NALF1: variants seen among roughly 807,000 people sequenced by gnomAD.
The protein encoded by NALF1 is family with sequence similarity 155 member A.
A neutral mutation model predicts 48.4 loss-of-function variants in NALF1; 3 were observed. The observed-to-expected ratio is 0.06, with a 90% CI of 0.03 to 0.16. The LOEUF (loss-of-function observed/expected upper bound fraction) is 0.16, where lower values mean the gene tolerates loss of function less well. NALF1 is among the 10% of genes least tolerant of loss of function. NALF1 has a pLI of 1.00. For missense variants in NALF1, 526 were observed against 571.5 expected (o/e 0.92, Z 0.81); for synonymous variants, 262 against 245.7 (o/e 1.07, Z -0.62).
chr13:107,729,969 T>C (rs1056493036), intron 1 of NALF1, among the ~76,000 whole-genome samples: 2 of 152,164 alleles, frequency 1.3e-5, no homozygotes, highest in African/African-American at 4.8e-5. Context: ...TAAAAAATAT[T>C]ACATATTCTA....
chr13:107,253,918 C>T (rs79157509), intron 1 of NALF1, among the ~76,000 whole-genome samples: 16,996 of 151,582 alleles, frequency 0.11, 1,130 homozygotes, highest in African/African-American at 0.16. Context: ...AGTTGTTGTA[C>T]GATGTAATCA....
Position 107,170,007 on chromosome 13 carries a change from T to G in NALF1, c.*490A>C, listed in dbSNP as rs542768918. On this transcript the variant is annotated 3_prime_UTR_variant, in exon 3 of 3. Coordinates refer to ENST00000375915, the MANE Select transcript of NALF1 (RefSeq NM_001080396.3). ...TGTCTTTTTTATTTTTTATTCTTTT[T>G]TTGTTGTTGTTTTTTGCTATACCAT... The G allele has an allele frequency of 1.3e-5, 2 of 152,876 alleles. No individual in the cohort carries two copies. The highest frequency in any genetic ancestry group is 1.9e-4 in the East Asian group (1 of 5,184). 9.5% of individuals were successfully genotyped at this position (152,876 alleles called of 1,614,324 possible). A position where few individuals can be genotyped will look rare whatever the true frequency, so the allele number is the denominator to read the frequency against.
At chr13:107,207,485 C>G (rs978111590) in intron 2 of NALF1, among the ~76,000 whole-genome samples, 1 of 152,190 alleles carries the variant, frequency 6.6e-6, no homozygotes, top group Non-Finnish European at 1.5e-5. Flanking sequence ...ACAAGCCACT[C>G]CACAGTTTAG....
chr13:107,455,653 T>C (rs891193938), intron 1 of NALF1, among the ~76,000 whole-genome samples: 3 of 152,134 alleles, frequency 2.0e-5, no homozygotes, highest in African/African-American at 7.2e-5. Flanking sequence ...TCATACAGAG[T>C]AGTTTCACTG....
At chr13:107,433,538 C>A (rs527435486) in intron 1 of NALF1, among the ~76,000 whole-genome samples, 184 of 152,086 alleles carry the variant, frequency 1.2e-3, no homozygotes, top group African/African-American at 4.2e-3. Flanking sequence ...TTCTAACCTG[C>A]ACATTGTGCA....
At chr13:107,306,741 A>T (rs1318281090) in intron 1 of NALF1, among the ~76,000 whole-genome samples, 1 of 152,160 alleles carries the variant, frequency 6.6e-6, no homozygotes, top group Non-Finnish European at 1.5e-5. Flanking sequence ...AGGGAAGTGG[A>T]TCGCTTGAGC....
intron 1 of NALF1, among the ~76,000 whole-genome samples, chr13:107,710,488 C>A (rs1282014617): frequency 6.6e-6 from 1 of 150,462 alleles, no homozygotes; most frequent in Non-Finnish European, 1.5e-5. Context: ...GTTTAATTGA[C>A]TCACAATTAT....
At chr13:107,696,551 AGT>A (rs58345595) in intron 1 of NALF1, among the ~76,000 whole-genome samples, 24,492 of 146,720 alleles carry the variant, frequency 0.17, 2,020 homozygotes, top group Non-Finnish European at 0.19. Flanking sequence ...CTCCAAGTTG[AGT>A]GTGTGTGTGT....
intron 1 of NALF1, among the ~76,000 whole-genome samples, chr13:107,539,061 A>T (rs1876924384): frequency 6.6e-6 from 1 of 151,998 alleles, no homozygotes; most frequent in Non-Finnish European, 1.5e-5. Flanking sequence ...AACAACACAC[A>T]TGTGAACTTC....
intron 1 of NALF1, among the ~76,000 whole-genome samples, chr13:107,803,624 A>C (rs890638727): frequency 2.6e-5 from 4 of 152,174 alleles, no homozygotes; most frequent in African/African-American, 9.7e-5. Context: ...GCAAAGGCTG[A>C]ACTCTTTGAG....
In NALF1 at chr13:107,599,109, T is replaced by G. The variant is rs114867436; in HGVS notation, c.915+266573A>C. ...CACAACAAAGATGCCTCAAGGAATT[T>G]CTTTAGACATGATTCTGAGCACATG... On this transcript the variant is annotated intron_variant, in intron 1 of 2. Transcript: ENST00000375915. Among the ~76,000 whole-genome samples the G allele has an allele frequency of 6.8e-3, 1,028 of 152,268 alleles. 20 individuals are homozygous for G. Among genetic ancestry groups the G allele is most frequent in the African/African-American group, 0.024 (995 of 41,542 alleles).
chr13:107,771,877 C>T (rs1200987171), intron 1 of NALF1, among the ~76,000 whole-genome samples: 3 of 152,074 alleles, frequency 2.0e-5, no homozygotes, highest in Admixed American at 6.5e-5. Flanking sequence ...GTTGGGACTA[C>T]AGGCACATGC....
chr13:107,322,121 T>G (rs945313966), intron 1 of NALF1, among the ~76,000 whole-genome samples: 2 of 152,162 alleles, frequency 1.3e-5, no homozygotes, highest in South Asian at 2.1e-4. Context: ...TAACAGTTAT[T>G]TCCATTGGCT....
chr13:107,251,077 T>A (rs2138844325), intron 1 of NALF1, among the ~76,000 whole-genome samples: 1 of 152,330 alleles, frequency 6.6e-6, no homozygotes, highest in South Asian at 2.1e-4. Context: ...GAGAACAGAC[T>A]AATATACCTG....
intron 1 of NALF1, among the ~76,000 whole-genome samples, chr13:107,495,595 G>A (rs78943214): frequency 3.9e-5 from 6 of 152,162 alleles, no homozygotes; most frequent in Non-Finnish European, 8.8e-5. Flanking sequence ...AACACAGGGT[G>A]TGATTTGATT....
intron 1 of NALF1, among the ~76,000 whole-genome samples, chr13:107,504,178 G>C (rs1453590462): frequency 1.3e-5 from 2 of 151,278 alleles, no homozygotes; most frequent in East Asian, 2.0e-4. Context: ...TTAAGCCTGG[G>C]AGGCAGAGGT....
intron 1 of NALF1, among the ~76,000 whole-genome samples, chr13:107,485,006 T>A (rs1885305831): frequency 6.6e-6 from 1 of 152,120 alleles, no homozygotes; most frequent in Admixed American, 6.6e-5. Context: ...AAATTCTGCT[T>A]GTGTTTATAA....
intron 1 of NALF1, among the ~76,000 whole-genome samples, chr13:107,593,540 T>C (rs191795317): frequency 1.3e-5 from 2 of 152,006 alleles, no homozygotes; most frequent in Admixed American, 6.6e-5. Context: ...AAATGAACAG[T>C]GATAAACACA....
At chr13:107,185,276 G>C (rs2097056306) in intron 2 of NALF1, among the ~76,000 whole-genome samples, 1 of 152,132 alleles carries the variant, frequency 6.6e-6, no homozygotes, top group South Asian at 2.1e-4. Context: ...TATCTAGTTT[G>C]TGGTACTTTG....
Sources: gnomAD v4.1 joint callset for allele counts (sites outside exome capture counted in the v4.1 genomes callset) on GRCh38, gnomAD v4.1.1 for gene constraint, MANE v1.5 for transcripts, NCBI Gene and HGNC (gene_info 2026-07-23, HGNC 2026-07-21) for gene names.